Variants in KAT6B observed in about 807,000 individuals in gnomAD.
KAT6B encodes the protein lysine acetyltransferase 6B.
In KAT6B, 10 loss-of-function variants were observed where a neutral mutation model predicts 187.5. The ratio of observed to expected loss-of-function variants is 0.05; its 90% CI spans 0.03 to 0.09. The LOEUF (loss-of-function observed/expected upper bound fraction) is 0.09, where lower values mean the gene tolerates loss of function less well. Among genes scored for constraint, KAT6B ranks in the 10% least tolerant of loss-of-function variants. KAT6B has a pLI of 1.00. For missense variants in KAT6B, 1,952 were observed against 2,558.9 expected (o/e 0.76, Z 5.12); for synonymous variants, 861 against 926.8 (o/e 0.93, Z 1.29).
In KAT6B at chr10:74,965,048, A is replaced by G. The variant is rs1377670964; in HGVS notation, c.731-4612A>G. Among the ~76,000 whole-genome samples the G allele has an allele frequency of 3.9e-5, 6 of 152,178 alleles. No homozygotes were observed. In the East Asian group the frequency reaches 1.2e-3, roughly 29 times the overall value. On this transcript the variant is annotated intron_variant, in intron 4 of 17. Transcript: ENST00000287239. ...TTTTAAGTTATAAATCTGATCACATAATTTCATAAGTGGCTATCAGTTGCT... is the reference window on the plus strand; with the variant it reads ...TTTTAAGTTATAAATCTGATCACATGATTTCATAAGTGGCTATCAGTTGCT...
chr10:74,934,364 A>G (rs1849095697), intron 3 of KAT6B, among the ~76,000 whole-genome samples: 1 of 152,268 alleles, frequency 6.6e-6, no homozygotes, highest in South Asian at 2.1e-4. Flanking sequence ...CTCAACATAC[A>G]GACATTGACC....
chr10:74,921,108 A>ATTTT (rs10550175), intron 3 of KAT6B, among the ~76,000 whole-genome samples: 3 of 109,508 alleles, frequency 2.7e-5, no homozygotes, highest in Non-Finnish European at 5.2e-5. Context: ...TGTAGTCTAA[A>ATTTT]TTTTTTTTTT....
At chr10:75,018,811 G>T (rs1371555540) in intron 13 of KAT6B, among the ~76,000 whole-genome samples, 1 of 152,088 alleles carries the variant, frequency 6.6e-6, no homozygotes, top group Admixed American at 6.6e-5. Context: ...TCACTGCAGG[G>T]GACTTTCAAT....
intron 13 of KAT6B, among the ~76,000 whole-genome samples, chr10:75,004,651 C>T (rs1844078942): frequency 6.6e-6 from 1 of 152,132 alleles, no homozygotes; most frequent in African/African-American, 2.4e-5. Context: ...GAAATGCTTC[C>T]AACTCTATTT....
rs143543231 is a variant in KAT6B, at chr10:74,853,531, C to T, written c.621+10053C>T. On this transcript the variant is annotated intron_variant, in intron 3 of 17. Transcript: ENST00000287239. Reference sequence around the variant, plus strand: ...CTGGTCTTGAACGCCTGAGCTCAAGCAGTTCACACACCTCGGCCTCCCAAA... The same window carrying T: ...CTGGTCTTGAACGCCTGAGCTCAAGTAGTTCACACACCTCGGCCTCCCAAA... Among the ~76,000 whole-genome samples, 1,428 of 151,886 alleles carry T rather than the reference C, an allele frequency of 9.4e-3. 20 individuals are homozygous for T. Among genetic ancestry groups the T allele is most frequent in the Non-Finnish European group, 0.015 (999 of 67,952 alleles).
intron 6 of KAT6B, among the ~76,000 whole-genome samples, chr10:74,971,492 A>G (rs1310333638): frequency 6.6e-6 from 1 of 152,162 alleles, no homozygotes; most frequent in Non-Finnish European, 1.5e-5. Context: ...AAATTTTACC[A>G]GTTTGATAAT....
At chr10:74,837,282 T>C (rs1347303526) in intron 1 of KAT6B, among the ~76,000 whole-genome samples, 1 of 152,238 alleles carries the variant, frequency 6.6e-6, no homozygotes. Context: ...GATACAACCA[T>C]ATAATTTACT....
At chr10:74,836,103 A>G (rs1305777926) in intron 1 of KAT6B, among the ~76,000 whole-genome samples, 2 of 152,242 alleles carry the variant, frequency 1.3e-5, no homozygotes, top group African/African-American at 2.4e-5. Context: ...CTTTCACAGC[A>G]TAACGTGTTT....
At chr10:75,002,032 G>A (rs889709422) in intron 13 of KAT6B, among the ~76,000 whole-genome samples, 7 of 152,174 alleles carry the variant, frequency 4.6e-5, no homozygotes, top group African/African-American at 1.7e-4. Context: ...CGTGTGGTCA[G>A]CTTAGGGCTG....
At position 75,028,679 on chromosome 10, in the gene KAT6B, G is replaced by T; in HGVS notation, c.3855G>T (p.Glu1285Asp). The stretch of plus-strand genomic sequence containing the variant: ...CAGAAACACCCATGGAGCCTGACGA[G>T]CAGGTAACAGTGGAAGAACAGAAGG... ...TPPETPMEPDEQVTVEEQKET... is the reference protein window; with the variant it reads ...TPPETPMEPDDQVTVEEQKET... The change falls in exon 18 of 18, where the codon GAG becomes GAT. Residue 1285 changes from glutamate to aspartate, a missense_variant. This residue lies in a region of KAT6B where 758 missense variants were observed against 891.4 expected (regional missense o/e 0.85). Transcript: ENST00000287239. 1 of 1,614,084 alleles carries T rather than the reference G, an allele frequency of 6.2e-7. No homozygotes were observed. Among genetic ancestry groups the T allele is most frequent in the Non-Finnish European group, 8.5e-7 (1 of 1,180,036 alleles).
intron 4 of KAT6B, 94 bp downstream of exon 4, chr10:74,960,172 A>T: frequency 1.1e-6 from 1 of 889,760 alleles, no homozygotes; most frequent in East Asian, 2.4e-5. Flanking sequence ...TTGTTATTTA[A>T]GGCAGTTATA....
At chr10:74,967,382 C>T (rs368929893) in intron 4 of KAT6B, among the ~76,000 whole-genome samples, 1 of 152,038 alleles carries the variant, frequency 6.6e-6, no homozygotes, top group East Asian at 1.9e-4. Flanking sequence ...TTTATGAAAT[C>T]GCTAAACCAG....
In KAT6B at chr10:74,842,722, A is replaced by G. The variant is rs1316536999; in HGVS notation, c.-136A>G. ...GAATCTCTTAAGGATGGATGTTTGTAAGATGTTGCTTAATACAGTCTGGAA... is the reference window on the plus strand; with the variant it reads ...GAATCTCTTAAGGATGGATGTTTGTGAGATGTTGCTTAATACAGTCTGGAA... On this transcript the variant is annotated 5_prime_UTR_variant, in exon 3 of 18. Coordinates refer to ENST00000287239, the MANE Select transcript of KAT6B (RefSeq NM_012330.4). 9 of 941,992 alleles carry G rather than the reference A, an allele frequency of 9.6e-6. No individual in the cohort carries two copies. The Admixed American group carries it at 1.5e-4, about 16-fold the overall frequency. 58.4% of individuals were successfully genotyped at this position (941,992 alleles called of 1,614,324 possible).
At chr10:74,894,323 C>G (rs1207390715) in intron 3 of KAT6B, among the ~76,000 whole-genome samples, 1 of 152,150 alleles carries the variant, frequency 6.6e-6, no homozygotes, top group Non-Finnish European at 1.5e-5. Context: ...CTCAAGTGAT[C>G]CACCCACCTC....
At chr10:74,860,139 T>C (rs1015027167) in intron 3 of KAT6B, among the ~76,000 whole-genome samples, 5 of 152,214 alleles carry the variant, frequency 3.3e-5, no homozygotes. Context: ...TGTGCCATGC[T>C]GGTTTGTAGG....
At chr10:74,870,782 G>GGTCAGGCT (rs1843876760) in intron 3 of KAT6B, among the ~76,000 whole-genome samples, 1 of 151,796 alleles carries the variant, frequency 6.6e-6, no homozygotes, top group African/African-American at 2.4e-5. Flanking sequence ...TTTCCATGTT[G>GGTCAGGCT]GTCAGGCTGG....
At chr10:74,973,528 A>G (rs1322182413) in intron 7 of KAT6B, among the ~76,000 whole-genome samples, 1 of 152,192 alleles carries the variant, frequency 6.6e-6, no homozygotes, top group African/African-American at 2.4e-5. Context: ...CACACCTTGA[A>G]CAGACTCCAA....
chr10:75,015,391 A>G (rs1232249023), intron 13 of KAT6B, among the ~76,000 whole-genome samples: 3 of 152,220 alleles, frequency 2.0e-5, no homozygotes, highest in African/African-American at 7.2e-5. Context: ...TCTTAAAATG[A>G]TGTGAGAACT....
Position 74,826,771 on chromosome 10 carries a change from G to T in KAT6B, c.-343G>T, listed in dbSNP as rs1251057982. ...AGCGCCCCCGGCAGGCGCGGTGGCG[G>T]TGGCGCGCAGCCAGGTCTGTCACCC... is the stretch of plus-strand genomic sequence containing the variant. On this transcript the variant is annotated 5_prime_UTR_variant, in exon 1 of 18. Transcript: ENST00000287239. 6.6e-6 allele frequency: 1 copy of T among 152,144 alleles called. No homozygotes were observed. The highest frequency in any genetic ancestry group is 2.4e-5 in the African/African-American group (1 of 41,220). 9.4% of individuals were successfully genotyped at this position (152,144 alleles called of 1,614,324 possible).
Sources: gnomAD v4.1 joint callset for allele counts (sites outside exome capture counted in the v4.1 genomes callset) on GRCh38, gnomAD v4.1.1 for gene constraint, gnomAD v4.1.1 regional missense constraint, MANE v1.5 for transcripts, NCBI Gene and HGNC (gene_info 2026-07-23, HGNC 2026-07-21) for gene names.